Variants in GRB2 observed in about 807,000 individuals in gnomAD.
GRB2 encodes the protein growth factor receptor bound protein 2.
In GRB2, 2 loss-of-function variants were observed where a neutral mutation model predicts 27.4. That is an observed-to-expected ratio of 0.07 (90% CI 0.03 to 0.23). GRB2 has a LOEUF of 0.23. Among genes scored for constraint, GRB2 ranks in the 10% least tolerant of loss-of-function variants. The pLI is 1.00. For missense variants in GRB2, 102 were observed against 282.4 expected (o/e 0.36, Z 4.58); for synonymous variants, 94 against 99.6 (o/e 0.94, Z 0.33).
intron 2 of GRB2, among the ~76,000 whole-genome samples, chr17:75,338,017 G>A (rs937092374): frequency 6.2e-5 from 9 of 144,540 alleles, no homozygotes; most frequent in African/African-American, 2.2e-4. Flanking sequence ...TGCAACCTCC[G>A]CCTCCCAGGT....
At chr17:75,339,875 C>T (rs1306396272) in intron 2 of GRB2, among the ~76,000 whole-genome samples, 4 of 152,142 alleles carry the variant, frequency 2.6e-5, no homozygotes, top group Admixed American at 6.6e-5. Context: ...GCGATCCACC[C>T]GCCTTGGCCT....
At chr17:75,345,735 C>A in intron 2 of GRB2, among the ~76,000 whole-genome samples, 1 of 151,868 alleles carries the variant, frequency 6.6e-6, no homozygotes, top group Non-Finnish European at 1.5e-5. Flanking sequence ...GAGGCGAATG[C>A]AGAGAGTTCA....
intron 2 of GRB2, among the ~76,000 whole-genome samples, chr17:75,384,455 G>A (rs766891498): frequency 6.6e-6 from 1 of 152,118 alleles, no homozygotes; most frequent in Non-Finnish European, 1.5e-5. Flanking sequence ...GATCGCCTGA[G>A]GTCGGGAGTT....
chr17:75,368,118 T>C (rs981821841), intron 2 of GRB2, among the ~76,000 whole-genome samples: 16 of 152,176 alleles, frequency 1.1e-4, no homozygotes, highest in African/African-American at 3.4e-4. Context: ...TTTTGCCATG[T>C]TGGCCAGGCT....
intron 2 of GRB2, among the ~76,000 whole-genome samples, chr17:75,348,042 C>T (rs186797069): frequency 3.9e-5 from 6 of 152,248 alleles, no homozygotes; most frequent in East Asian, 1.9e-4. Context: ...TTCTGTTAAC[C>T]GCTTTTTCAA....
At chr17:75,340,426 A>T (rs1358487331) in intron 2 of GRB2, among the ~76,000 whole-genome samples, 1 of 152,240 alleles carries the variant, frequency 6.6e-6, no homozygotes, top group Non-Finnish European at 1.5e-5. Context: ...ATCCCAAAGG[A>T]GCGATACTGA....
chr17:75,364,516 G>C (rs1598239825), intron 2 of GRB2, among the ~76,000 whole-genome samples: 1 of 152,148 alleles, frequency 6.6e-6, no homozygotes, highest in East Asian at 1.9e-4. Context: ...ACAAGTGGAA[G>C]AGGCAGGATC....
intron 4 of GRB2, among the ~76,000 whole-genome samples, chr17:75,323,802 TTTTC>T (rs1168902599): frequency 2.0e-5 from 3 of 150,116 alleles, no homozygotes; most frequent in Non-Finnish European, 3.0e-5. Context: ...CATGTTTTTC[TTTTC>T]TTTTTTTTTT....
chr17:75,350,292 T>G (rs963252287), intron 2 of GRB2, among the ~76,000 whole-genome samples: 1 of 151,012 alleles, frequency 6.6e-6, no homozygotes, highest in Non-Finnish European at 1.5e-5. Flanking sequence ...TATTTTGAGT[T>G]AGGAGCTATG....
chr17:75,396,354 T>C (rs1020555221), intron 1 of GRB2, among the ~76,000 whole-genome samples: 3 of 152,064 alleles, frequency 2.0e-5, no homozygotes, highest in Admixed American at 2.0e-4. Flanking sequence ...GTAATCCTCA[T>C]GCCTCAGCTT....
intron 2 of GRB2, among the ~76,000 whole-genome samples, chr17:75,345,026 GTTT>G (rs200713918): frequency 6.6e-6 from 1 of 151,448 alleles, no homozygotes; most frequent in African/African-American, 2.4e-5. Flanking sequence ...GACAACAGAG[GTTT>G]TTTTTTAAAT....
At chr17:75,381,268 T>G (rs368493998) in intron 2 of GRB2, among the ~76,000 whole-genome samples, 1 of 152,182 alleles carries the variant, frequency 6.6e-6, no homozygotes, top group South Asian at 2.1e-4. Context: ...AAGAGAGATC[T>G]GAAATAGTAA....
At chr17:75,354,270 G>GGAT (rs1555610727) in intron 2 of GRB2, among the ~76,000 whole-genome samples, 1 of 121,024 alleles carries the variant, frequency 8.3e-6, no homozygotes, top group Non-Finnish European at 1.7e-5. Context: ...TTTTTGGGGG[G>GGAT]GGGGGGGAGA....
chr17:75,405,454 CGA>C (rs2079093935), intron 1 of GRB2, 33 bp downstream of exon 1: 1 of 152,282 alleles, frequency 6.6e-6, no homozygotes, highest in Non-Finnish European at 1.5e-5. Flanking sequence ...GGAAAAGGCA[CGA>C]GAGAGGCGCC....
chr17:75,351,308 A>G (rs900343265), intron 2 of GRB2, among the ~76,000 whole-genome samples: 5 of 152,198 alleles, frequency 3.3e-5, no homozygotes, highest in African/African-American at 1.2e-4. Context: ...ATGAGACATC[A>G]AATTCCATGT....
intron 2 of GRB2, among the ~76,000 whole-genome samples, chr17:75,358,542 C>G (rs1345197724): frequency 6.6e-6 from 1 of 151,788 alleles, no homozygotes; most frequent in African/African-American, 2.4e-5. Context: ...CATGTTAACA[C>G]TGACAGAGCT....
intron 2 of GRB2, among the ~76,000 whole-genome samples, chr17:75,339,476 T>A (rs189805281): frequency 1.9e-3 from 281 of 151,004 alleles, no homozygotes; most frequent in African/African-American, 3.3e-3. Context: ...TACTTCAAAA[T>A]ATATATATAT....
At chr17:75,328,674 C>A (rs2078517338) in intron 3 of GRB2, among the ~76,000 whole-genome samples, 2 of 142,164 alleles carry the variant, frequency 1.4e-5, no homozygotes, top group South Asian at 4.5e-4. Flanking sequence ...TGTGGTGGCT[C>A]ACGCCTGTAA....
At chr17:75,329,569 A>C (rs2078525329) in intron 3 of GRB2, among the ~76,000 whole-genome samples, 1 of 152,170 alleles carries the variant, frequency 6.6e-6, no homozygotes, top group Admixed American at 6.6e-5. Context: ...AAAAACCACA[A>C]CTCTGTTATA....
Sources: allele counts gnomAD v4.1 joint callset (sites outside exome capture counted in the v4.1 genomes callset), GRCh38; gene constraint gnomAD v4.1.1; transcripts MANE v1.5; gene names NCBI Gene and HGNC (gene_info 2026-07-23, HGNC 2026-07-21).